EPHB1: variants seen among roughly 807,000 people sequenced by gnomAD.
EPHB1 encodes the protein EPH receptor B1.
In EPHB1, 30 loss-of-function variants were observed where a neutral mutation model predicts 94.4. The observed-to-expected ratio is 0.32, with a 90% CI of 0.24 to 0.43. The LOEUF (loss-of-function observed/expected upper bound fraction) is 0.43. Among genes scored for constraint, EPHB1 ranks in the 20% least tolerant of loss-of-function variants. The pLI is 1.00. For synonymous variants in EPHB1, 522 were observed against 489.1 expected (o/e 1.07, Z -0.89); for missense variants, 1,055 against 1,308.3 (o/e 0.81, Z 2.99).
At chr3:135,230,115 C>T (rs1372317400) in intron 12 of EPHB1, among the ~76,000 whole-genome samples, 1 of 152,164 alleles carries the variant, frequency 6.6e-6, no homozygotes, top group Non-Finnish European at 1.5e-5. Context: ...AGTACAGTTC[C>T]TGCCATTGTC....
rs761295965 is a variant in EPHB1 at position 134,951,736 on chromosome 3, G to A, written c.489G>A (p.Arg163=). ...GRLMKVNTEV[R]SFGPLTRNGF... ...TGATGAAGGTAAACACAGAAGTCAGGAGCTTTGGGCCTCTTACTCGGAATG... is the reference window on the plus strand; with the variant it reads ...TGATGAAGGTAAACACAGAAGTCAGAAGCTTTGGGCCTCTTACTCGGAATG... The change falls in exon 3 of 16, where the codon AGG becomes AGA. Residue 163 remains arginine (R), a synonymous_variant. Transcript: ENST00000398015. This position sits in a 1 kb window ranked among gnomAD's most constrained non-coding sequence, Gnocchi z 4.5. 6.2e-7 allele frequency: 1 copy of A among 1,614,070 alleles called. No homozygotes were observed. The highest frequency in any genetic ancestry group is 2.2e-5 in the East Asian group (1 of 44,880).
intron 4 of EPHB1, among the ~76,000 whole-genome samples, chr3:135,109,725 G>T (rs564067069): frequency 1.5e-4 from 23 of 152,236 alleles, no homozygotes; most frequent in Non-Finnish European, 2.4e-4. Flanking sequence ...CTGCGACCTG[G>T]TGTGCAGTGG....
intron 5 of EPHB1, among the ~76,000 whole-genome samples, chr3:135,149,361 A>G (rs1245906740): frequency 6.6e-6 from 1 of 152,220 alleles, no homozygotes; most frequent in Non-Finnish European, 1.5e-5. Context: ...AGGAATATAG[A>G]GAAAAGACAA....
At chr3:134,815,773 T>C (rs989393503) in intron 1 of EPHB1, among the ~76,000 whole-genome samples, 2 of 152,258 alleles carry the variant, frequency 1.3e-5, no homozygotes, top group Non-Finnish European at 2.9e-5. Context: ...TGGGGTCATA[T>C]ATCAGTTTTG....
intron 1 of EPHB1, among the ~76,000 whole-genome samples, chr3:134,818,263 A>G (rs1453895427): frequency 6.6e-6 from 1 of 152,218 alleles, no homozygotes; most frequent in Admixed American, 6.5e-5. Flanking sequence ...AATGAGGTTG[A>G]AAGTCCTTGG....
rs186380546 is a variant in EPHB1, at chr3:135,052,336, T to A, written c.806-54112T>A. Among the ~76,000 whole-genome samples, 7 of 152,252 alleles carry A rather than the reference T, an allele frequency of 4.6e-5. No homozygotes were observed. The East Asian group carries it at 1.4e-3, about 29-fold the overall frequency. The stretch of plus-strand genomic sequence containing the variant: ...ATGATTGATGGCTCCTTTAAGATGG[T>A]CTCTTGAGTTTGAATATCAAGCTCT... On this transcript the variant is annotated intron_variant, in intron 3 of 15. Transcript: ENST00000398015.
At chr3:134,919,841 GGT>G (rs10663205) in intron 1 of EPHB1, among the ~76,000 whole-genome samples, 79 of 149,400 alleles carry the variant, frequency 5.3e-4, no homozygotes, top group Admixed American at 2.2e-3. Flanking sequence ...TTAGGGCAGG[GGT>G]GTGTGTGTGT....
intron 1 of EPHB1, among the ~76,000 whole-genome samples, chr3:134,889,233 T>C (rs73217028): frequency 0.063 from 9,574 of 152,244 alleles, 337 homozygotes; most frequent in South Asian, 0.15. Context: ...GAGGCTCAGC[T>C]TGGTGAGATG....
intron 10 of EPHB1, among the ~76,000 whole-genome samples, chr3:135,181,788 C>T (rs1171045468): frequency 6.6e-6 from 1 of 151,832 alleles, no homozygotes; most frequent in Non-Finnish European, 1.5e-5. Context: ...TGTAAAAGGA[C>T]AATTGATAGT....
In EPHB1 at chr3:135,166,961, G is replaced by C; in HGVS notation, c.1714G>C (p.Glu572Gln). 2 of 1,614,138 alleles carry C rather than the reference G, an allele frequency of 1.2e-6. No homozygotes were observed. The highest frequency in any genetic ancestry group is 1.1e-5 in the South Asian group (1 of 91,064). ...CCACAGGAAACGGGCTTATAGCAAA[G>C]AGGCTGTGTACAGCGATAAGCTCCA... The part of the protein sequence containing the change: ...VCSRKRAYSK[E>Q]AVYSDKLQHY... Residue 572 changes from glutamate to glutamine, a missense_variant, in exon 9 of 16, where the codon GAG becomes CAG. Glu to Gln is a conservative substitution (Grantham distance 29). Transcript: ENST00000398015.
intron 3 of EPHB1, among the ~76,000 whole-genome samples, chr3:135,053,035 A>G: frequency 7.6e-6 from 1 of 131,356 alleles, no homozygotes; most frequent in African/African-American, 3.1e-5. Flanking sequence ...GTGTATATAT[A>G]TATATATATA....
At chr3:135,055,178 T>A (rs1484675201) in intron 3 of EPHB1, among the ~76,000 whole-genome samples, 1 of 152,260 alleles carries the variant, frequency 6.6e-6, no homozygotes, top group Admixed American at 6.5e-5. Context: ...CCTTTGGGTA[T>A]AATATCATTT....
At chr3:135,105,574 C>T (rs1267592442) in intron 3 of EPHB1, among the ~76,000 whole-genome samples, 1 of 152,108 alleles carries the variant, frequency 6.6e-6, no homozygotes. Context: ...AAAGTTAAGA[C>T]CCGAGGGATA....
chr3:135,018,933 G>C (rs184507170), intron 3 of EPHB1, among the ~76,000 whole-genome samples: 1 of 152,202 alleles, frequency 6.6e-6, no homozygotes, highest in Non-Finnish European at 1.5e-5. Flanking sequence ...TAGGGACTGA[G>C]AGATAGGAAT....
intron 3 of EPHB1, among the ~76,000 whole-genome samples, chr3:135,024,295 C>G (rs562231400): frequency 6.6e-6 from 1 of 152,322 alleles, no homozygotes; most frequent in African/African-American, 2.4e-5. Flanking sequence ...TATAGAAACA[C>G]CTCCTTTCCA....
chr3:134,962,600 C>G (rs934960442), intron 3 of EPHB1, among the ~76,000 whole-genome samples: 2 of 152,202 alleles, frequency 1.3e-5, no homozygotes, highest in Non-Finnish European at 2.9e-5. Flanking sequence ...TCCCATCTGT[C>G]TCCTTCTGCC....
chr3:135,052,337 C>A (rs1468385398), intron 3 of EPHB1, among the ~76,000 whole-genome samples: 7 of 152,112 alleles, frequency 4.6e-5, no homozygotes, highest in Non-Finnish European at 8.8e-5. Flanking sequence ...TTAAGATGGT[C>A]TCTTGAGTTT....
chr3:135,015,169 C>T (rs1057266668), intron 3 of EPHB1, among the ~76,000 whole-genome samples: 6 of 152,264 alleles, frequency 3.9e-5, no homozygotes, highest in Admixed American at 1.3e-4. Flanking sequence ...TGACTACATC[C>T]TTCTGTGGGC....
At chr3:135,208,291 G>T (rs1354084) in intron 12 of EPHB1, among the ~76,000 whole-genome samples, 2,105 of 11,154 alleles carry the variant, frequency 0.19, 50 homozygotes, top group African/African-American at 0.41. Context: ...CTTTCATGAC[G>T]TGTGTGTGTG....
Sources: gnomAD v4.1 joint callset for allele counts (sites outside exome capture counted in the v4.1 genomes callset) on GRCh38, gnomAD v4.1.1 for gene constraint, Gnocchi (gnomAD v3.1) non-coding constraint, MANE v1.5 for transcripts, NCBI Gene and HGNC (gene_info 2026-07-23, HGNC 2026-07-21) for gene names.